Variants in PTPRT observed in about 807,000 individuals in gnomAD.
The protein encoded by PTPRT is receptor-type tyrosine-protein phosphatase T.
In PTPRT, 56 loss-of-function variants were observed where a neutral mutation model predicts 176.8. The observed-to-expected ratio is 0.32, with a 90% CI of 0.26 to 0.40. PTPRT has a LOEUF of 0.40. Ranked by LOEUF, PTPRT falls within the 10% of genes least tolerant of loss-of-function variation. The pLI, the probability that PTPRT is intolerant of heterozygous loss-of-function variation, is 1.00. For missense variants in PTPRT, 1,540 were observed against 1,908.2 expected, an observed-to-expected ratio of 0.81 and a Z score of 3.60; for synonymous variants, 783 against 739.0, an observed-to-expected ratio of 1.06 and a Z score of -0.96.
At chr20:42,457,806 C>T (rs2070948846) in intron 8 of PTPRT, among the ~76,000 whole-genome samples, 1 of 152,100 alleles carries the variant, frequency 6.6e-6, no homozygotes, top group East Asian at 1.9e-4. Context: ...CAGACACTAC[C>T]CCTTCCTGTA....
intron 4 of PTPRT, among the ~76,000 whole-genome samples, chr20:42,773,046 C>T (rs2077085950): frequency 6.6e-6 from 1 of 152,198 alleles, no homozygotes; most frequent in Non-Finnish European, 1.5e-5. Context: ...CAGCTATGCT[C>T]CCTTGCCTCC....
At chr20:42,603,901 C>T (rs1361632166) in intron 7 of PTPRT, among the ~76,000 whole-genome samples, 1 of 152,200 alleles carries the variant, frequency 6.6e-6, no homozygotes, top group East Asian at 1.9e-4. Flanking sequence ...CAGCTCTTCT[C>T]AACCTGGGGC....
At chr20:42,173,815 C>T (rs1990172537) in intron 16 of PTPRT, among the ~76,000 whole-genome samples, 1 of 152,104 alleles carries the variant, frequency 6.6e-6, no homozygotes, top group Non-Finnish European at 1.5e-5. Flanking sequence ...AATATAAGCC[C>T]TTTTTGGTAA....
intron 1 of PTPRT, among the ~76,000 whole-genome samples, chr20:43,166,287 A>G (rs545185008): frequency 2.4e-4 from 36 of 151,782 alleles, no homozygotes; most frequent in Non-Finnish European, 3.8e-4. Context: ...AGATTGTGCC[A>G]CTGCACTCCA....
intron 12 of PTPRT, among the ~76,000 whole-genome samples, chr20:42,301,840 AAAGT>A (rs2057473073): frequency 6.6e-6 from 1 of 152,202 alleles, no homozygotes; most frequent in Admixed American, 6.5e-5. Context: ...GGTGGAAGAG[AAAGT>A]AAGTTGGAAC....
intron 26 of PTPRT, 38 bp from the exon 27 acceptor site, chr20:42,098,590 T>C (rs776106618): frequency 1.2e-6 from 2 of 1,612,056 alleles, no homozygotes; most frequent in South Asian, 2.2e-5. Context: ...AAATTACACA[T>C]CCATCAGTGA....
intron 7 of PTPRT, among the ~76,000 whole-genome samples, chr20:42,546,066 T>G (rs1356037707): frequency 6.6e-6 from 1 of 152,234 alleles, no homozygotes; most frequent in Non-Finnish European, 1.5e-5. Context: ...GGTGTATTTG[T>G]GTGCTCATTA....
chr20:42,816,065 T>G (rs939175159), intron 2 of PTPRT, among the ~76,000 whole-genome samples: 8 of 152,194 alleles, frequency 5.3e-5, no homozygotes, highest in Non-Finnish European at 1.0e-4. Flanking sequence ...AAAGTCTTCT[T>G]TCTTGGGCTG....
At chr20:42,584,834 T>C (rs953790742) in intron 7 of PTPRT, among the ~76,000 whole-genome samples, 2 of 152,134 alleles carry the variant, frequency 1.3e-5, no homozygotes, top group African/African-American at 2.4e-5. Flanking sequence ...TTAGCACACG[T>C]TCTTGGATAG....
At chr20:43,045,062 T>C (rs2146220007) in intron 1 of PTPRT, among the ~76,000 whole-genome samples, 1 of 152,342 alleles carries the variant, frequency 6.6e-6, no homozygotes, top group East Asian at 1.9e-4. Flanking sequence ...AAAACATTTC[T>C]GGGCCAGGCT....
At chr20:42,803,420 C>A (rs1428480431) in intron 2 of PTPRT, among the ~76,000 whole-genome samples, 1 of 152,210 alleles carries the variant, frequency 6.6e-6, no homozygotes, top group Non-Finnish European at 1.5e-5. Context: ...TCAGGGTAGA[C>A]CACAATAACC....
chr20:42,194,680 C>G lies in PTPRT; in HGVS notation c.2491+4560G>C, dbSNP rs185014117. ...GTACACAGGGCAGTAAGATCAAAAT[C>G]AGATTACTTAATAAAAGCTAGCATT... On this transcript the variant is annotated intron_variant, in intron 16 of 30. Coordinates refer to ENST00000373187, the MANE Select transcript of PTPRT (RefSeq NM_007050.6). 4.6e-4 allele frequency among the ~76,000 whole-genome samples: 70 copies of G among 152,250 alleles called. 1 individual carries two copies. The East Asian group carries it at 9.7e-3, about 21-fold the overall frequency.
At chr20:42,084,162 C>T (rs115596170) in intron 29 of PTPRT, among the ~76,000 whole-genome samples, 33 of 152,332 alleles carry the variant, frequency 2.2e-4, no homozygotes, top group African/African-American at 7.9e-4. Flanking sequence ...ACTGTCCTCT[C>T]GAGGTCCTGA....
intron 1 of PTPRT, among the ~76,000 whole-genome samples, chr20:43,048,941 GCTCTTCCCCACAACA>G (rs1289019620): frequency 6.6e-6 from 1 of 152,174 alleles, no homozygotes; most frequent in African/African-American, 2.4e-5. Context: ...CATCTGCCCT[GCTCTTCCCCACAACA>G]CCCTTGGCCT....
At chr20:42,515,375 C>T (rs1229091135) in intron 7 of PTPRT, among the ~76,000 whole-genome samples, 2 of 151,868 alleles carry the variant, frequency 1.3e-5, no homozygotes, top group Non-Finnish European at 2.9e-5. Context: ...CCCAGTTACT[C>T]GGGAGGCTGA....
intron 7 of PTPRT, among the ~76,000 whole-genome samples, chr20:42,634,017 TA>T (rs550482285): frequency 1.6e-3 from 43 of 27,324 alleles, no homozygotes; most frequent in African/African-American, 8.5e-3. Flanking sequence ...ATATAATATA[TA>T]TATAATATAT....
intron 13 of PTPRT, among the ~76,000 whole-genome samples, chr20:42,269,006 G>A (rs1403333106): frequency 6.6e-6 from 1 of 152,162 alleles, no homozygotes; most frequent in Non-Finnish European, 1.5e-5. Context: ...GCCAGTGGCT[G>A]ACCAACACCA....
At chr20:43,151,221 G>T (rs987143819) in intron 1 of PTPRT, among the ~76,000 whole-genome samples, 5 of 150,654 alleles carry the variant, frequency 3.3e-5, no homozygotes, top group Admixed American at 3.3e-4. Flanking sequence ...CAGGAGAATT[G>T]CTTGAACCCG....
chr20:42,332,814 T>G (rs1270486477), intron 11 of PTPRT, among the ~76,000 whole-genome samples: 1 of 152,196 alleles, frequency 6.6e-6, no homozygotes, highest in African/African-American at 2.4e-5. Flanking sequence ...AATGATGAAA[T>G]TGGTGGTGAC....
Sources: gnomAD v4.1 joint callset for allele counts (sites outside exome capture counted in the v4.1 genomes callset) on GRCh38, gnomAD v4.1.1 for gene constraint, MANE v1.5 for transcripts, NCBI Gene and HGNC (gene_info 2026-07-23, HGNC 2026-07-21) for gene names.